The following PTGFRN variants were observed in gnomAD, a reference collection of about 807,000 sequenced individuals.
PTGFRN encodes the protein prostaglandin F2 receptor inhibitor.
PTGFRN carries 35 observed loss-of-function variants against 83.2 expected under a neutral mutation model. The ratio of observed to expected loss-of-function variants is 0.42; its 90% CI spans 0.32 to 0.56. PTGFRN has a LOEUF of 0.56. PTGFRN is among the 20% of genes least tolerant of loss of function. PTGFRN has a pLI of 0.11. For synonymous variants in PTGFRN, 519 were observed against 498.6 expected, an observed-to-expected ratio of 1.04 and a Z score of -0.55; for missense variants, 1,051 against 1,179.5, an observed-to-expected ratio of 0.89 and a Z score of 1.60.
chr1:116,927,162 G>A (rs1423098936), intron 1 of PTGFRN, among the ~76,000 whole-genome samples: 2 of 152,076 alleles, frequency 1.3e-5, no homozygotes, highest in South Asian at 2.1e-4. Flanking sequence ...CTTTAACCAC[G>A]AGCCATATAC....
At chr1:116,966,890 C>A in intron 5 of PTGFRN, 21 bp from the exon 6 acceptor site, 4 of 1,561,754 alleles carry the variant, frequency 2.6e-6, no homozygotes, top group Non-Finnish European at 3.5e-6. Context: ...GAAATCACAT[C>A]CTTCTGGTCA....
intron 7 of PTGFRN, among the ~76,000 whole-genome samples, chr1:116,982,645 GAGA>G (rs1651351622): frequency 6.6e-6 from 1 of 152,128 alleles, no homozygotes; most frequent in Non-Finnish European, 1.5e-5. Flanking sequence ...GATAGAGCTG[GAGA>G]AGAAGGCAAG....
intron 1 of PTGFRN, among the ~76,000 whole-genome samples, chr1:116,935,479 A>G (rs1322508890): frequency 7.0e-6 from 1 of 143,520 alleles, no homozygotes; most frequent in Non-Finnish European, 1.5e-5. Flanking sequence ...CTGTAGTGGG[A>G]GTGAGGGTGG....
chr1:116,953,536 A>G (rs936238233), intron 4 of PTGFRN, among the ~76,000 whole-genome samples: 1 of 151,644 alleles, frequency 6.6e-6, no homozygotes, highest in Non-Finnish European at 1.5e-5. Context: ...TAAAGTGCTT[A>G]GTACAGTGCC....
chr1:116,978,278 G>A (rs541405273), intron 7 of PTGFRN, among the ~76,000 whole-genome samples: 4 of 152,278 alleles, frequency 2.6e-5, no homozygotes, highest in Non-Finnish European at 5.9e-5. Context: ...ATTCACAGCC[G>A]AATTCTACCA....
chr1:116,973,862 A>T (rs1320922225), intron 6 of PTGFRN, among the ~76,000 whole-genome samples: 1 of 152,122 alleles, frequency 6.6e-6, no homozygotes, highest in African/African-American at 2.4e-5. Flanking sequence ...TCCCTAAGCC[A>T]CCCTGGCCTA....
At position 116,981,050 on chromosome 1, in the gene PTGFRN, C is replaced by T. The variant is rs1031308827; in HGVS notation, c.2168-3630C>T. Among the ~76,000 whole-genome samples the T allele has an allele frequency of 2.6e-5, 4 of 152,128 alleles. 1 individual carries two copies. The South Asian group carries it at 8.3e-4, about 32-fold the overall frequency. On this transcript the variant is annotated intron_variant, in intron 7 of 8. Transcript: ENST00000393203. Reference sequence around the variant, plus strand: ...GAAATCATTATAAATTTTTTCTTTGCATTTACATATTAGCATTGCCAACAG... The same window carrying T: ...GAAATCATTATAAATTTTTTCTTTGTATTTACATATTAGCATTGCCAACAG...
intron 7 of PTGFRN, 192 bp downstream of exon 7, chr1:116,974,515 T>C (rs781209458): frequency 1.9e-5 from 9 of 464,242 alleles, no homozygotes; most frequent in East Asian, 3.4e-5. Flanking sequence ...ATCTGCTAGA[T>C]GGTTTGGAAA....
chr1:116,929,817 C>G (rs1391921104), intron 1 of PTGFRN, among the ~76,000 whole-genome samples: 1 of 152,206 alleles, frequency 6.6e-6, no homozygotes, highest in Non-Finnish European at 1.5e-5. Context: ...GGGGGACTGA[C>G]TGGCTGACTT....
rs367756226 is a variant in PTGFRN at position 116,927,761 on chromosome 1, T to C, written c.50-13954T>C. Among the ~76,000 whole-genome samples the C allele has an allele frequency of 6.6e-5, 10 of 151,994 alleles. No individual in the cohort carries two copies. In the East Asian group the frequency reaches 7.7e-4, roughly 12 times the overall value. ...TGTTGCCCAGGCTGGTCTTGCACTA[T>C]TGGCTTCAAGCCATCTTCCCACTTC... On this transcript the variant is annotated intron_variant, in intron 1 of 8. Coordinates refer to ENST00000393203, the MANE Select transcript of PTGFRN (RefSeq NM_020440.4).
chr1:116,931,227 A>G (rs1649791471), intron 1 of PTGFRN, among the ~76,000 whole-genome samples: 1 of 152,200 alleles, frequency 6.6e-6, no homozygotes, highest in Non-Finnish European at 1.5e-5. Context: ...AGGAATGCAA[A>G]TATTTGAAAA....
chr1:116,956,101 A>T (rs888360492), intron 4 of PTGFRN, among the ~76,000 whole-genome samples: 1 of 152,128 alleles, frequency 6.6e-6, no homozygotes, highest in Non-Finnish European at 1.5e-5. Flanking sequence ...ACAAAAACGA[A>T]ATCAGAACCT....
At chr1:116,948,539 G>T (rs1650257724) in intron 3 of PTGFRN, among the ~76,000 whole-genome samples, 2 of 152,116 alleles carry the variant, frequency 1.3e-5, no homozygotes, top group African/African-American at 4.8e-5. Flanking sequence ...AAATTGTCTG[G>T]TTTCACTTTC....
chr1:116,957,127 TTC>T (rs368975757), intron 4 of PTGFRN, among the ~76,000 whole-genome samples: 1 of 136,350 alleles, frequency 7.3e-6, no homozygotes, highest in South Asian at 2.5e-4. Context: ...CTCTCTCTCT[TTC>T]TCTCTCTCTC....
intron 6 of PTGFRN, among the ~76,000 whole-genome samples, chr1:116,972,198 AT>A (rs1651020759): frequency 1.3e-5 from 2 of 152,186 alleles, no homozygotes; most frequent in Admixed American, 1.3e-4. Flanking sequence ...AGCTGAGTTA[AT>A]TGAAGGGGAT....
intron 7 of PTGFRN, among the ~76,000 whole-genome samples, chr1:116,984,145 A>G (rs143460338): frequency 1.5e-3 from 226 of 152,374 alleles, no homozygotes; most frequent in African/African-American, 4.9e-3. Flanking sequence ...CATAGTGTAC[A>G]ATAAAATCTA....
intron 5 of PTGFRN, among the ~76,000 whole-genome samples, chr1:116,964,052 T>A (rs1364622313): frequency 6.7e-6 from 1 of 150,306 alleles, no homozygotes; most frequent in African/African-American, 2.5e-5. Flanking sequence ...AGTGCTAGGA[T>A]TACAGGCATG....
At chr1:116,979,102 A>G (rs545750222) in intron 7 of PTGFRN, among the ~76,000 whole-genome samples, 105 of 152,264 alleles carry the variant, frequency 6.9e-4, no homozygotes, top group Non-Finnish European at 1.2e-3. Flanking sequence ...CCAAATCATG[A>G]GTGAACTCCC....
chr1:116,944,740 G>T lies in PTGFRN; in HGVS notation c.480G>T (p.Arg160=). 1 of 1,482,114 alleles carries T rather than the reference G, an allele frequency of 6.7e-7. No individual in the cohort carries two copies. The highest frequency in any genetic ancestry group is 1.5e-5 in the African/African-American group (1 of 68,372). The allele number at this position is 1,482,114 out of a possible 1,614,324, so 91.8% of individuals were successfully genotyped here. A position where few individuals can be genotyped will look rare whatever the true frequency, so the allele number is the denominator to read the frequency against. ...SARPPPSLSL[R]EGEPFELRCT... ...GGCCCCCGCCGAGCCTGAGCCTGCG[G>T]GAGGGGGAGCCCTTCGAGCTGCGCT... The change falls in exon 3 of 9, where the codon CGG becomes CGT. Residue 160 remains arginine (R), a synonymous_variant. Transcript: ENST00000393203.
Sources: allele counts gnomAD v4.1 joint callset (sites outside exome capture counted in the v4.1 genomes callset), GRCh38; gene constraint gnomAD v4.1.1; transcripts MANE v1.5; gene names NCBI Gene and HGNC (gene_info 2026-07-23, HGNC 2026-07-21).